Variants in PDE11A observed in about 807,000 individuals in gnomAD.
The protein encoded by PDE11A is dual 3',5'-cyclic-AMP and -GMP phosphodiesterase 11A.
In PDE11A, 100 loss-of-function variants were observed where a neutral mutation model predicts 100.5. The ratio of observed to expected loss-of-function variants is 1.00; its 90% CI spans 0.85 to 1.18. The LOEUF is 1.18. PDE11A is among the 50% of genes most tolerant of loss of function. The pLI is 0.00. For synonymous variants in PDE11A, 381 were observed against 420.8 expected (o/e 0.91, Z 1.16); for missense variants, 1,141 against 1,152.6 (o/e 0.99, Z 0.15).
intron 1 of PDE11A, among the ~76,000 whole-genome samples, chr2:178,056,337 G>A (rs1034619973): frequency 2.0e-5 from 3 of 152,162 alleles, no homozygotes; most frequent in Non-Finnish European, 4.4e-5. Context: ...CTCAATCAAT[G>A]AGCCTGAGAA....
chr2:177,803,230 T>C (rs1435160386), intron 9 of PDE11A, among the ~76,000 whole-genome samples: 3 of 151,714 alleles, frequency 2.0e-5, no homozygotes, highest in Non-Finnish European at 4.4e-5. Context: ...AAATCCCTCA[T>C]TAAAAGCAGA....
intron 5 of PDE11A, among the ~76,000 whole-genome samples, chr2:177,870,920 T>A (rs2084120410): frequency 6.6e-6 from 1 of 152,190 alleles, no homozygotes; most frequent in Non-Finnish European, 1.5e-5. Context: ...GAAAAAGTAT[T>A]CATTCTGGAA....
intron 3 of PDE11A, 121 bp from the exon 4 acceptor site, chr2:177,898,319 T>C: frequency 1.4e-6 from 1 of 690,058 alleles, no homozygotes; most frequent in South Asian, 1.8e-5. Flanking sequence ...TAGCTAATTT[T>C]AAAAAATTTT....
chr2:177,850,022 TG>T (rs1330662618), intron 5 of PDE11A, among the ~76,000 whole-genome samples: 1 of 152,254 alleles, frequency 6.6e-6, no homozygotes, highest in East Asian at 1.9e-4. Context: ...TTCACAGAAT[TG>T]GAAAAAACTA....
chr2:178,078,870 T>C (rs2087247474), intron 2 of PDE11A, among the ~76,000 whole-genome samples: 1 of 152,154 alleles, frequency 6.6e-6, no homozygotes, highest in Non-Finnish European at 1.5e-5. Context: ...TATAAAATAG[T>C]CTAAGAGTCA....
chr2:178,038,092 A>C (rs1043029456), intron 1 of PDE11A, among the ~76,000 whole-genome samples: 1 of 152,170 alleles, frequency 6.6e-6, no homozygotes, highest in African/African-American at 2.4e-5. Flanking sequence ...GTAAATATTC[A>C]AATTTCTTTT....
intron 1 of PDE11A, among the ~76,000 whole-genome samples, chr2:178,068,356 A>G (rs951416487): frequency 6.6e-6 from 1 of 152,102 alleles, no homozygotes; most frequent in African/African-American, 2.4e-5. Context: ...CAGAACTTCT[A>G]TTCAATTTTA....
At chr2:178,052,549 C>A (rs2086842860) in intron 1 of PDE11A, among the ~76,000 whole-genome samples, 2 of 151,998 alleles carry the variant, frequency 1.3e-5, no homozygotes, top group African/African-American at 2.4e-5. Context: ...CACAAAAAAC[C>A]CTTCAAAAAA....
intron 4 of PDE11A, among the ~76,000 whole-genome samples, chr2:177,897,131 A>T (rs561341724): frequency 6.6e-6 from 1 of 152,276 alleles, no homozygotes; most frequent in East Asian, 1.9e-4. Context: ...GTGGCAAAAT[A>T]ACATTCTGTC....
At chr2:177,927,717 C>CTG (rs1353402736) in intron 2 of PDE11A, among the ~76,000 whole-genome samples, 1 of 152,186 alleles carries the variant, frequency 6.6e-6, no homozygotes, top group Non-Finnish European at 1.5e-5. Flanking sequence ...CTAACATTAA[C>CTG]TGCTTTCATA....
At chr2:177,673,373 C>T (rs1401106794) in intron 17 of PDE11A, among the ~76,000 whole-genome samples, 1 of 152,086 alleles carries the variant, frequency 6.6e-6, no homozygotes, top group African/African-American at 2.4e-5. Context: ...AAAAAGGAAC[C>T]AGAGAACATC....
At chr2:177,903,335 T>C (rs1205454140) in intron 3 of PDE11A, among the ~76,000 whole-genome samples, 3 of 152,194 alleles carry the variant, frequency 2.0e-5, no homozygotes, top group Non-Finnish European at 2.9e-5. Flanking sequence ...AACTCAGCCT[T>C]CCTCAACCCT....
intron 9 of PDE11A, chr2:177,797,327 T>G (rs186584513): frequency 1.3e-5 from 2 of 152,314 alleles, no homozygotes; most frequent in Admixed American, 1.3e-4. Context: ...TACTTCTAGC[T>G]GTGAAATGCA....
At chr2:177,715,699 T>C (rs1407105660) in intron 12 of PDE11A, among the ~76,000 whole-genome samples, 2 of 152,234 alleles carry the variant, frequency 1.3e-5, no homozygotes, top group Non-Finnish European at 1.5e-5. Context: ...TCTTCTCCCA[T>C]GGATGCATGA....
chr2:177,799,591 G>A (rs1283825216), intron 9 of PDE11A, among the ~76,000 whole-genome samples: 1 of 152,156 alleles, frequency 6.6e-6, no homozygotes, highest in Non-Finnish European at 1.5e-5. Flanking sequence ...ACTAGAATAT[G>A]AGAAGAATTT....
At position 177,868,789 on chromosome 2, in the gene PDE11A, A is replaced by G. The variant is rs116338144; in HGVS notation, c.1367+7070T>C. The stretch of plus-strand genomic sequence containing the variant: ...TCACTTATTGAACTTAGTAGAAGAT[A>G]CCATTGGAGGGTTTTTAGATAAAAC... On this transcript the variant is annotated intron_variant, in intron 5 of 19. Transcript: ENST00000286063. Among the ~76,000 whole-genome samples, 665 of 152,312 alleles carry G rather than the reference A, an allele frequency of 4.4e-3. 2 individuals are homozygous for G. Among genetic ancestry groups the G allele is most frequent in the African/African-American group, 0.015 (640 of 41,554 alleles).
intron 2 of PDE11A, among the ~76,000 whole-genome samples, chr2:177,928,650 C>T (rs751738631): frequency 2.0e-5 from 3 of 152,166 alleles, no homozygotes; most frequent in Non-Finnish European, 4.4e-5. Flanking sequence ...ATGGCTCATG[C>T]CTATAATCTC....
At chr2:177,973,243 G>T (rs1437846180) in intron 2 of PDE11A, among the ~76,000 whole-genome samples, 1 of 134,710 alleles carries the variant, frequency 7.4e-6, no homozygotes, top group African/African-American at 2.9e-5. Context: ...CCGTGCGCGA[G>T]CCGAAGCAGG....
At chr2:177,821,122 T>C (rs2083132365) in intron 6 of PDE11A, among the ~76,000 whole-genome samples, 1 of 151,974 alleles carries the variant, frequency 6.6e-6, no homozygotes, top group South Asian at 2.1e-4. Context: ...AAATATTCTT[T>C]GTTGAAGGCA....
Sources: gnomAD v4.1 joint callset for allele counts (sites outside exome capture counted in the v4.1 genomes callset) on GRCh38, gnomAD v4.1.1 for gene constraint, MANE v1.5 for transcripts, NCBI Gene and HGNC (gene_info 2026-07-23, HGNC 2026-07-21) for gene names.